The following THADA variants were observed in gnomAD, a reference collection of about 807,000 sequenced individuals.
THADA encodes THADA armadillo repeat containing.
In THADA, 213 loss-of-function variants were observed where a neutral mutation model predicts 219.8. The observed-to-expected ratio is 0.97, with a 90% CI of 0.87 to 1.09. THADA has a LOEUF of 1.09. Among genes scored for constraint, THADA ranks in the 50% least tolerant of loss-of-function variants. The pLI is 0.00. For missense variants in THADA, 2,956 were observed against 2,311.3 expected (o/e 1.28, Z -5.72); for synonymous variants, 1,018 against 828.9 (o/e 1.23, Z -3.92).
Position 43,541,288 on chromosome 2 carries a change from A to C in THADA, c.3135T>G (p.Thr1045=). ...AACAACATACCAGCACCATCTGCGC[A>C]GTTACATCACATGTTTTTACTTCTT... ...KGKEVKTCDV[T]AQMVLVCCWR... The change falls in exon 21 of 38, where the codon ACT becomes ACG. Residue 1045 remains threonine, a synonymous_variant. Transcript: ENST00000405975. 8.7e-6 allele frequency: 14 copies of C among 1,613,422 alleles called. No homozygotes were observed. The highest frequency in any genetic ancestry group is 1.1e-5 in the Non-Finnish European group (13 of 1,179,614).
chr2:43,257,889 G>C (rs1212148379), intron 36 of THADA, among the ~76,000 whole-genome samples: 3 of 152,200 alleles, frequency 2.0e-5, no homozygotes, highest in African/African-American at 7.2e-5. Flanking sequence ...GACTAAAAGA[G>C]AAAGTCCAGA....
chr2:43,391,616 G>A (rs1315986938), intron 29 of THADA, among the ~76,000 whole-genome samples: 1 of 151,278 alleles, frequency 6.6e-6, no homozygotes, highest in Admixed American at 6.6e-5. Context: ...TTTTTTTTAA[G>A]AGCCCAATGC....
intron 22 of THADA, among the ~76,000 whole-genome samples, chr2:43,519,595 C>T (rs1329397950): frequency 6.6e-6 from 1 of 152,170 alleles, no homozygotes; most frequent in African/African-American, 2.4e-5. Context: ...TTATATGTTT[C>T]CTATTTAGAC....
At chr2:43,408,230 T>TACA in intron 28 of THADA, 1 of 152,200 alleles carries the variant, frequency 6.6e-6, no homozygotes, top group East Asian at 1.9e-4. Context: ...TGTGGCAGTG[T>TACA]CCCCTGGTAT....
intron 18 of THADA, 90 bp downstream of exon 18, chr2:43,552,114 C>T (rs1393489348): frequency 6.5e-7 from 1 of 1,534,022 alleles, no homozygotes; most frequent in African/African-American, 1.4e-5. Context: ...CAATAGACTG[C>T]ATTCCTTTCC....
rs1679072098 is a variant in THADA, at chr2:43,430,313, A to C, written c.3837-11T>G. On this transcript the variant is annotated splice_polypyrimidine_tract_variant and intron_variant, in intron 26 of 37. Coordinates refer to ENST00000405975, the MANE Select transcript of THADA (RefSeq NM_022065.5). ...TCTCTCCCTGTCATTCTGTGAAAGA[A>C]GGAGGAAAAAATTTATTATCATTTA... 1 of 1,485,836 alleles carries C rather than the reference A, an allele frequency of 6.7e-7. No homozygotes were observed. The allele number at this position is 1,485,836 out of a possible 1,614,324, so 92.0% of individuals were successfully genotyped here.
At chr2:43,266,612 AAAC>A (rs1348146597) in intron 36 of THADA, among the ~76,000 whole-genome samples, 1 of 152,072 alleles carries the variant, frequency 6.6e-6, no homozygotes, top group Non-Finnish European at 1.5e-5. Context: ...CAAAAACAAA[AAAC>A]AAAAAACAAC....
chr2:43,530,585 A>C (rs1488768660), intron 21 of THADA, among the ~76,000 whole-genome samples: 1 of 152,224 alleles, frequency 6.6e-6, no homozygotes, highest in African/African-American at 2.4e-5. Flanking sequence ...CAATGAGATG[A>C]GGTTTCTCTA....
intron 36 of THADA, among the ~76,000 whole-genome samples, chr2:43,252,720 T>C (rs765142405): frequency 9.2e-5 from 14 of 152,192 alleles, no homozygotes; most frequent in Non-Finnish European, 2.9e-5. Context: ...TCCCCAGTGC[T>C]CTTGTCAATC....
At position 43,592,152 on chromosome 2, in the gene THADA, G is replaced by A. The variant is rs1168166429; in HGVS notation, c.77-106C>T. 1.8e-5 allele frequency: 18 copies of A among 1,000,982 alleles called. No homozygotes were observed. The South Asian group carries it at 2.4e-4, about 13-fold the overall frequency. The allele number at this position is 1,000,982 out of a possible 1,614,324, so 62.0% of individuals were successfully genotyped here. ...TTTTAATTATAAACCATAGCAATAG[G>A]TGGAACATAGTCTGAAGACAGAATT... On this transcript the variant is annotated intron_variant, in intron 2 of 37. Coordinates refer to ENST00000405975, the MANE Select transcript of THADA (RefSeq NM_022065.5).
Position 43,381,396 on chromosome 2 carries a change from C to T in THADA, c.4227+16575G>A, listed in dbSNP as rs988685622. ...AAGTAATGTCAATACTCCCCCCACC[C>T]AGCCTCAGGAGGTGAAGCTCAACTT... is the stretch of plus-strand genomic sequence containing the variant. On this transcript the variant is annotated intron_variant, in intron 29 of 37. Transcript: ENST00000405975. 3.9e-5 allele frequency among the ~76,000 whole-genome samples: 6 copies of T among 152,072 alleles called. No homozygotes were observed. The South Asian group carries it at 6.2e-4, about 16-fold the overall frequency.
chr2:43,291,585 C>T lies in THADA; in HGVS notation c.5010+111G>A, dbSNP rs149060256. ...ACAATATTTCTGTAGATGTTACATACACATATCACAGGGGTTCTGCCTGCT... is the reference window on the plus strand; with the variant it reads ...ACAATATTTCTGTAGATGTTACATATACATATCACAGGGGTTCTGCCTGCT... On this transcript the variant is annotated intron_variant, in intron 34 of 37. Transcript: ENST00000405975. 1.4e-4 allele frequency: 79 copies of T among 578,120 alleles called. No homozygotes were observed. The East Asian group carries it at 2.8e-3, about 21-fold the overall frequency. 35.8% of individuals were successfully genotyped at this position (578,120 alleles called of 1,614,324 possible).
chr2:43,297,821 TG>T lies in THADA; in HGVS notation c.4439-4609del, dbSNP rs1171787908. ...CCAGCCGCCCCGTCCGGGAGGGAGG[TG>T]GGGGGGGATCAGCCCCCCCGCCCGG... is the stretch of plus-strand genomic sequence containing the variant. On this transcript the variant is annotated intron_variant, in intron 31 of 37. Transcript: ENST00000405975. Among the ~76,000 whole-genome samples the T allele has an allele frequency of 2.7e-4, 22 of 80,112 alleles. 4 individuals are homozygous for T. The highest frequency in any genetic ancestry group is 9.3e-4 in the African/African-American group (14 of 15,080). 52.6% of individuals were successfully genotyped at this position (80,112 alleles called of 152,430 possible).
chr2:43,396,307 C>T (rs1489725137), intron 29 of THADA, among the ~76,000 whole-genome samples: 1 of 152,170 alleles, frequency 6.6e-6, no homozygotes, highest in Non-Finnish European at 1.5e-5. Flanking sequence ...GAGGTCACTT[C>T]CTCTGGGACA....
rs765352765 is a variant in THADA, at chr2:43,291,454, C to CAA, written c.5010+240_5010+241dup. 9.9e-3 allele frequency among the ~76,000 whole-genome samples: 80 copies of CAA among 8,086 alleles called. 15 individuals are homozygous for CAA. Among genetic ancestry groups the CAA allele is most frequent in the Non-Finnish European group, 0.016 (68 of 4,212 alleles). The allele number at this position is 8,086 out of a possible 152,430, so 5.3% of individuals were successfully genotyped here. On this transcript the variant is annotated intron_variant, in intron 34 of 37. Transcript: ENST00000405975. ...GGGCAACAAGAGCAAAACTCCATCTCAAAAAAAAAAAAAAAAAAAAAAAAA... is the reference window on the plus strand; with the variant it reads ...GGGCAACAAGAGCAAAACTCCATCTCAAAAAAAAAAAAAAAAAAAAAAAAAAA...
At chr2:43,581,638 C>G (rs2104097814) in intron 8 of THADA, 103 bp downstream of exon 8, 3 of 986,830 alleles carry the variant, frequency 3.0e-6, no homozygotes, top group Non-Finnish European at 3.0e-6. Flanking sequence ...CATTCCACAT[C>G]TCAGTTAAGT....
intron 28 of THADA, among the ~76,000 whole-genome samples, chr2:43,406,276 T>C (rs1466829846): frequency 2.0e-5 from 3 of 152,222 alleles, no homozygotes; most frequent in Admixed American, 6.5e-5. Flanking sequence ...CACAATGCAG[T>C]TGTTACTTTA....
intron 36 of THADA, among the ~76,000 whole-genome samples, chr2:43,252,094 C>T (rs1199257249): frequency 6.6e-6 from 1 of 152,158 alleles, no homozygotes; most frequent in African/African-American, 2.4e-5. Flanking sequence ...TAACCATCTC[C>T]CCATTCTTGC....
At chr2:43,529,844 A>C (rs181922232) in intron 21 of THADA, among the ~76,000 whole-genome samples, 22 of 152,332 alleles carry the variant, frequency 1.4e-4, no homozygotes, top group South Asian at 6.2e-4. Context: ...TAAGTAGTTA[A>C]ACATGTCATC....
Sources: gnomAD v4.1 joint callset for allele counts (sites outside exome capture counted in the v4.1 genomes callset) on GRCh38, gnomAD v4.1.1 for gene constraint, MANE v1.5 for transcripts, NCBI Gene and HGNC (gene_info 2026-07-23, HGNC 2026-07-21) for gene names.